ANK3: variants seen among roughly 807,000 people sequenced by gnomAD.
The protein encoded by ANK3 is ankyrin 3, also known as ankyrin-3.
A neutral mutation model predicts 370.9 loss-of-function variants in ANK3; 57 were observed. The observed-to-expected ratio is 0.15, with a 90% CI of 0.12 to 0.19. ANK3 has a LOEUF of 0.19. ANK3 is among the 10% of genes least tolerant of loss of function. The probability of loss-of-function intolerance (pLI) is 1.00; values close to 1 mark genes in which losing one functional copy is unlikely to be tolerated. For missense variants in ANK3, 4,439 were observed against 5,302.1 expected (o/e 0.84, Z 5.06); for synonymous variants, 1,929 against 1,946.3 (o/e 0.99, Z 0.23).
chr10:60,158,266 C>T (rs1015515676), intron 23 of ANK3, among the ~76,000 whole-genome samples: 3 of 152,060 alleles, frequency 2.0e-5, no homozygotes, highest in Non-Finnish European at 4.4e-5. Context: ...TAATGAGCAA[C>T]AAGAAATCAT....
intron 2 of ANK3, among the ~76,000 whole-genome samples, chr10:60,473,181 C>A (rs1010187543): frequency 3.0e-4 from 46 of 152,246 alleles, no homozygotes; most frequent in Middle Eastern, 3.4e-3. Context: ...TATAGACACC[C>A]ACAGACATTC....
At chr10:60,149,533 T>G (rs987345952) in intron 23 of ANK3, among the ~76,000 whole-genome samples, 2 of 152,210 alleles carry the variant, frequency 1.3e-5, no homozygotes, top group African/African-American at 4.8e-5. Context: ...TGGCGTCTGT[T>G]AAATATTTCA....
chr10:60,263,964 C>A lies in ANK3; in HGVS notation c.570G>T (p.Ser190=), dbSNP rs1034472134. ...ALQQGHDQVV[S]LLLENDTKGK... ...CTTTGGTGTCATTCTCTAGCAGGAG[C>A]GAAACGACTTGGTCGTGACCTTGTT... Residue 190 remains serine, a synonymous_variant, in exon 6 of 44, where the codon TCG becomes TCT. Coordinates refer to ENST00000280772, the MANE Select transcript of ANK3 (RefSeq NM_020987.5). The A allele has an allele frequency of 6.2e-7, 1 of 1,614,054 alleles. No homozygotes were observed. The highest frequency in any genetic ancestry group is 8.5e-7 in the Non-Finnish European group (1 of 1,179,994).
intron 1 of ANK3, among the ~76,000 whole-genome samples, chr10:60,722,665 T>C (rs963643975): frequency 3.3e-5 from 5 of 151,982 alleles, no homozygotes; most frequent in African/African-American, 1.2e-4. Context: ...ACGTTGGAGG[T>C]GGGGCCCGGT....
rs2082576432 is a variant in ANK3, at chr10:60,070,997, A to G, written c.9884T>C (p.Leu3295Pro). Residue 3295 changes from leucine to proline, a missense_variant, in exon 37 of 44, where the codon CTG becomes CCG. Coordinates refer to ENST00000280772, the MANE Select transcript of ANK3 (RefSeq NM_020987.5). The surrounding 1 kb of genome is among the most constrained non-coding windows in gnomAD (Gnocchi z 5.7). The stretch of plus-strand genomic sequence containing the variant: ...CTGCACTCTAATGACAGGTTCAGCC[A>G]GCTGGTACTTGTCATGCTCATCTTG... ...NLQDEHDKYQLAEPVIRVQPP... is the reference protein window; with the variant it reads ...NLQDEHDKYQPAEPVIRVQPP... 1.2e-6 allele frequency: 2 copies of G among 1,614,030 alleles called. No individual in the cohort carries two copies. The highest frequency in any genetic ancestry group is 2.7e-5 in the African/African-American group (2 of 74,940).
At chr10:60,463,403 C>T (rs1033066019) in intron 2 of ANK3, among the ~76,000 whole-genome samples, 1 of 152,108 alleles carries the variant, frequency 6.6e-6, no homozygotes, top group Non-Finnish European at 1.5e-5. Context: ...TTATCCTGGC[C>T]ACTGACAAAA....
chr10:60,554,371 G>A (rs1159158948), intron 2 of ANK3, among the ~76,000 whole-genome samples: 1 of 152,172 alleles, frequency 6.6e-6, no homozygotes, highest in Non-Finnish European at 1.5e-5. Flanking sequence ...ACGCAGGTAA[G>A]CACAGGTGGT....
intron 1 of ANK3, among the ~76,000 whole-genome samples, chr10:60,668,685 C>A (rs2079029086): frequency 6.6e-6 from 1 of 152,230 alleles, no homozygotes; most frequent in South Asian, 2.1e-4. Context: ...AAAGCTTTGT[C>A]CAAGATTCTT....
At chr10:60,092,677 T>C (rs2132041325) in intron 28 of ANK3, among the ~76,000 whole-genome samples, 1 of 152,362 alleles carries the variant, frequency 6.6e-6, no homozygotes, top group South Asian at 2.1e-4. Context: ...TCTTCTTCTC[T>C]GTAAACCTAA....
chr10:60,529,946 G>A (rs542765647), intron 2 of ANK3, among the ~76,000 whole-genome samples: 1 of 152,156 alleles, frequency 6.6e-6, no homozygotes, highest in Admixed American at 6.5e-5. Context: ...TTCTCAAAAG[G>A]CATTGAATAA....
intron 1 of ANK3, among the ~76,000 whole-genome samples, chr10:60,342,500 G>A (rs1318728278): frequency 1.3e-5 from 2 of 152,174 alleles, no homozygotes; most frequent in Non-Finnish European, 2.9e-5. Context: ...CATATGATCT[G>A]ATAAAAGACA....
At chr10:60,728,661 G>T (rs1257786027) in intron 1 of ANK3, among the ~76,000 whole-genome samples, 1 of 152,158 alleles carries the variant, frequency 6.6e-6, no homozygotes, top group Non-Finnish European at 1.5e-5. Context: ...GTGAAGAAAT[G>T]GAAGCTCAGG....
At chr10:60,227,739 T>A (rs1476860118) in intron 8 of ANK3, among the ~76,000 whole-genome samples, 1 of 152,190 alleles carries the variant, frequency 6.6e-6, no homozygotes, top group African/African-American at 2.4e-5. Flanking sequence ...TTTCTGATAC[T>A]GTGTTTTTCA....
chr10:60,659,479 T>C (rs2133370687), intron 1 of ANK3, among the ~76,000 whole-genome samples: 1 of 152,274 alleles, frequency 6.6e-6, no homozygotes, highest in Non-Finnish European at 1.5e-5. Context: ...ATCATTGTTA[T>C]CTGCAAGAGA....
chr10:60,491,580 T>C (rs771153779), intron 2 of ANK3, among the ~76,000 whole-genome samples: 1 of 152,194 alleles, frequency 6.6e-6, no homozygotes, highest in Non-Finnish European at 1.5e-5. Context: ...TGAATAAGAA[T>C]TGCTCCAGCC....
intron 28 of ANK3, among the ~76,000 whole-genome samples, chr10:60,104,405 GAAAGAAAAGA>G (rs71015766): frequency 3.6e-4 from 32 of 88,316 alleles, no homozygotes; most frequent in South Asian, 2.1e-3. Flanking sequence ...AACAAAGAAA[GAAAGAAAAGA>G]AAAGAAAAGA....
At position 60,068,800 on chromosome 10, in the gene ANK3, A is replaced by G. The variant is rs2082117626; in HGVS notation, c.12081T>C (p.Asp4027=). 3 of 1,614,226 alleles carry G rather than the reference A, an allele frequency of 1.9e-6. No homozygotes were observed. Among genetic ancestry groups the G allele is most frequent in the East Asian group, 4.5e-5 (2 of 44,890 alleles). ...EEKKMQSELS[D]EEESTSRNTS... is the part of the protein sequence containing the mutation. Reference sequence around the variant, plus strand: ...TGTTTCTTGAGGTACTTTCTTCCTCATCGGACAACTCGGACTGCATCTTTT... The same window carrying G: ...TGTTTCTTGAGGTACTTTCTTCCTCGTCGGACAACTCGGACTGCATCTTTT... The change falls in exon 37 of 44, where the codon GAT becomes GAC. Residue 4027 remains aspartate (D), a synonymous_variant. Coordinates refer to ENST00000280772, the MANE Select transcript of ANK3 (RefSeq NM_020987.5).
At chr10:60,621,542 C>T (rs1440590261) in intron 1 of ANK3, among the ~76,000 whole-genome samples, 3 of 152,082 alleles carry the variant, frequency 2.0e-5, no homozygotes, top group South Asian at 2.1e-4. Context: ...CTCCTGGGGT[C>T]GTGTAATTCA....
chr10:60,653,468 A>T (rs1304157269), intron 1 of ANK3, among the ~76,000 whole-genome samples: 1 of 152,042 alleles, frequency 6.6e-6, no homozygotes, highest in Admixed American at 6.6e-5. Context: ...AATATATGTT[A>T]GTCTTTAACT....
Sources: gnomAD v4.1 joint callset for allele counts (sites outside exome capture counted in the v4.1 genomes callset) on GRCh38, gnomAD v4.1.1 for gene constraint, Gnocchi (gnomAD v3.1) non-coding constraint, MANE v1.5 for transcripts, NCBI Gene and HGNC (gene_info 2026-07-23, HGNC 2026-07-21) for gene names.